The following TRAPPC9 variants were observed in gnomAD, a reference collection of about 807,000 sequenced individuals.
The protein encoded by TRAPPC9 is IKK2 binding protein.
A neutral mutation model predicts 124.0 loss-of-function variants in TRAPPC9; 83 were observed. The ratio of observed to expected loss-of-function variants is 0.67; its 90% CI spans 0.56 to 0.80. The LOEUF (loss-of-function observed/expected upper bound fraction) is 0.80, where lower values mean the gene tolerates loss of function less well. Ranked by LOEUF, TRAPPC9 falls within the 30% of genes least tolerant of loss-of-function variation. TRAPPC9 has a pLI of 0.00. For missense variants in TRAPPC9, 1,302 were observed against 1,508.3 expected (o/e 0.86, Z 2.27); for synonymous variants, 638 against 617.5 (o/e 1.03, Z -0.49).
chr8:140,263,684 A>C (rs1022222937), intron 15 of TRAPPC9, among the ~76,000 whole-genome samples: 3 of 152,238 alleles, frequency 2.0e-5, no homozygotes, highest in African/African-American at 4.8e-5. Context: ...AGGAGGGGAC[A>C]ATGGTCACAG....
At chr8:140,381,827 A>G (rs1393963888) in intron 7 of TRAPPC9, among the ~76,000 whole-genome samples, 1 of 152,218 alleles carries the variant, frequency 6.6e-6, no homozygotes, top group Non-Finnish European at 1.5e-5. Context: ...GAGGATATAG[A>G]GAAACTGGAA....
chr8:139,926,874 G>C (rs147088207), intron 19 of TRAPPC9, among the ~76,000 whole-genome samples: 27 of 151,864 alleles, frequency 1.8e-4, no homozygotes, highest in African/African-American at 6.3e-4. Context: ...ATATTCAAAA[G>C]CAAATCAAGA....
intron 21 of TRAPPC9, among the ~76,000 whole-genome samples, chr8:139,822,098 C>T (rs1332357324): frequency 6.6e-6 from 1 of 152,224 alleles, no homozygotes; most frequent in Non-Finnish European, 1.5e-5. Context: ...AGGCTCTGGG[C>T]AGACCAGTTC....
At chr8:140,020,767 C>T (rs1349295972) in intron 18 of TRAPPC9, among the ~76,000 whole-genome samples, 7 of 152,138 alleles carry the variant, frequency 4.6e-5, no homozygotes, top group Non-Finnish European at 8.8e-5. Context: ...TTTCAACTAC[C>T]ATGGTGGGGT....
At chr8:140,064,522 G>T (rs754283061) in intron 17 of TRAPPC9, among the ~76,000 whole-genome samples, 3 of 152,186 alleles carry the variant, frequency 2.0e-5, no homozygotes, top group Non-Finnish European at 4.4e-5. Context: ...AGGCAGGAAA[G>T]ATATTATACT....
intron 17 of TRAPPC9, among the ~76,000 whole-genome samples, chr8:140,026,847 C>T (rs1248603228): frequency 1.3e-5 from 2 of 152,210 alleles, no homozygotes; most frequent in Admixed American, 6.5e-5. Context: ...CTTCCTCTTA[C>T]TTACAAATGG....
intron 18 of TRAPPC9, among the ~76,000 whole-genome samples, chr8:140,018,943 T>A (rs1839654410): frequency 6.6e-6 from 1 of 152,230 alleles, no homozygotes; most frequent in African/African-American, 2.4e-5. Context: ...CTGTGGGGTT[T>A]CTTGTAGATG....
At position 140,284,031 on chromosome 8, in the gene TRAPPC9, A is replaced by C. The variant is rs764246926; in HGVS notation, c.1982-10T>G. Reference sequence around the variant, plus strand: ...ACCGTGGTATGGTAACCTGGAATAGAAAAGGAACTTCTTCACTCCACTGGC... The same window carrying C: ...ACCGTGGTATGGTAACCTGGAATAGCAAAGGAACTTCTTCACTCCACTGGC... On this transcript the variant is annotated splice_polypyrimidine_tract_variant and intron_variant, in intron 13 of 22. Transcript: ENST00000438773. 3.1e-6 allele frequency: 5 copies of C among 1,613,962 alleles called. No individual in the cohort carries two copies. The highest frequency in any genetic ancestry group is 3.4e-6 in the Non-Finnish European group (4 of 1,179,866).
At chr8:139,871,670 G>A (rs1487680531) in intron 21 of TRAPPC9, among the ~76,000 whole-genome samples, 1 of 152,260 alleles carries the variant, frequency 6.6e-6, no homozygotes. Context: ...CAGGCAGCTA[G>A]AGGAGGAGGA....
In TRAPPC9 at chr8:139,933,164, T is replaced by A. The variant is rs749609059; in HGVS notation, c.2811-22864A>T. The stretch of plus-strand genomic sequence containing the variant: ...TGTTTCTCCAGCTGCCTTGAGGACA[T>A]GCCCTAGGGAACAGTGCTCTGAATC... On this transcript the variant is annotated intron_variant, in intron 19 of 22. Coordinates refer to ENST00000438773, the MANE Select transcript of TRAPPC9 (RefSeq NM_001160372.4). 8.4e-4 allele frequency: 130 copies of A among 154,338 alleles called. 1 individual carries two copies. Among genetic ancestry groups the A allele is most frequent in the East Asian group, 7.7e-4 (4 of 5,212 alleles). 9.6% of individuals were successfully genotyped at this position (154,338 alleles called of 1,614,324 possible). A position where few individuals can be genotyped will look rare whatever the true frequency, so the allele number is the denominator to read the frequency against.
rs768280568 is a variant in TRAPPC9 at position 140,283,992 on chromosome 8, T to C, written c.2011A>G (p.Ser671Gly). 1 of 1,614,102 alleles carries C rather than the reference T, an allele frequency of 6.2e-7. No individual in the cohort carries two copies. The highest frequency in any genetic ancestry group is 1.7e-5 in the Admixed American group (1 of 60,018). The change falls in exon 14 of 23, where the codon AGT becomes GGT. Residue 671 changes from serine to glycine, a missense_variant. Physicochemically the swap from Ser to Gly is moderately conservative, Grantham distance 56. Coordinates refer to ENST00000438773, the MANE Select transcript of TRAPPC9 (RefSeq NM_001160372.4). ...GYHTTVFGVF[S>G]DCLLDNLPGI... is the part of the protein sequence containing the mutation. ...GGCAGGTTATCCAGCAAACAGTCAC[T>C]GAACACACCGAAGACCGTGGTATGG...
At chr8:140,436,057 T>C (rs967238323) in intron 3 of TRAPPC9, among the ~76,000 whole-genome samples, 12 of 152,196 alleles carry the variant, frequency 7.9e-5, no homozygotes, top group Admixed American at 7.9e-4. Flanking sequence ...TAATTCCTCT[T>C]AAAATAGGCC....
At chr8:140,315,004 G>C (rs1563939080) in intron 9 of TRAPPC9, among the ~76,000 whole-genome samples, 3 of 152,226 alleles carry the variant, frequency 2.0e-5, no homozygotes, top group East Asian at 1.9e-4. Flanking sequence ...AGTTTTTTGA[G>C]GAACCTCCAT....
intron 15 of TRAPPC9, among the ~76,000 whole-genome samples, chr8:140,269,008 G>A (rs1328400296): frequency 6.6e-6 from 1 of 152,120 alleles, no homozygotes; most frequent in Non-Finnish European, 1.5e-5. Context: ...GATTGGCTGG[G>A]AAGGAACATG....
intron 17 of TRAPPC9, among the ~76,000 whole-genome samples, chr8:140,026,983 T>C (rs562251840): frequency 2.8e-4 from 42 of 152,338 alleles, no homozygotes; most frequent in African/African-American, 9.1e-4. Flanking sequence ...GGGCTGCTGA[T>C]TTCTTGTGAA....
At chr8:139,834,655 A>G (rs1378560437) in intron 21 of TRAPPC9, among the ~76,000 whole-genome samples, 1 of 152,222 alleles carries the variant, frequency 6.6e-6, no homozygotes, top group Non-Finnish European at 1.5e-5. Flanking sequence ...AGTGTGGCTT[A>G]TCCATGGTCT....
At chr8:140,389,304 G>A (rs1367070501) in intron 7 of TRAPPC9, among the ~76,000 whole-genome samples, 2 of 152,122 alleles carry the variant, frequency 1.3e-5, no homozygotes, top group Admixed American at 6.6e-5. Flanking sequence ...AACTACTCCT[G>A]CAGCTTTTCT....
At chr8:139,768,601 T>C (rs1372114115) in intron 21 of TRAPPC9, among the ~76,000 whole-genome samples, 1 of 152,260 alleles carries the variant, frequency 6.6e-6, no homozygotes, top group East Asian at 1.9e-4. Flanking sequence ...ATTTCTTCTT[T>C]GTGTTCACCT....
intron 20 of TRAPPC9, 70 bp downstream of exon 20, chr8:139,910,077 G>T: frequency 1.3e-6 from 2 of 1,573,794 alleles, no homozygotes; most frequent in African/African-American, 1.4e-5. Flanking sequence ...GACCCTCACG[G>T]GTCTTTCTTA....
Sources: gnomAD v4.1 joint callset for allele counts (sites outside exome capture counted in the v4.1 genomes callset) on GRCh38, gnomAD v4.1.1 for gene constraint, MANE v1.5 for transcripts, NCBI Gene and HGNC (gene_info 2026-07-23, HGNC 2026-07-21) for gene names.